Variants in PITPNC1 observed in about 807,000 individuals in gnomAD.
PITPNC1 encodes cytoplasmic phosphatidylinositol transfer protein 1.
A neutral mutation model predicts 44.7 loss-of-function variants in PITPNC1; 18 were observed. The ratio of observed to expected loss-of-function variants is 0.40; its 90% confidence interval spans 0.28 to 0.60. PITPNC1 has a LOEUF of 0.60. Among genes scored for constraint, PITPNC1 ranks in the 20% least tolerant of loss-of-function variants. The pLI is 0.39. For synonymous variants in PITPNC1, 141 were observed against 149.6 expected (o/e 0.94, Z 0.42); for missense variants, 290 against 418.4 (o/e 0.69, Z 2.68).
Position 67,550,690 on chromosome 17 carries a change from T to C in PITPNC1, c.198-1567T>C, listed in dbSNP as rs1391096557. 2.0e-5 allele frequency among the ~76,000 whole-genome samples: 3 copies of C among 152,116 alleles called. No individual in the cohort carries two copies. In the East Asian group the frequency reaches 5.8e-4, roughly 29 times the overall value. The stretch of plus-strand genomic sequence containing the variant: ...GGCATGAGTGGCCCAGACACTTAGC[T>C]ATAGGCCCCAGAGTAGAAAAGTAGC... On this transcript the variant is annotated intron_variant, in intron 2 of 8. Transcript: ENST00000581322.
intron 1 of PITPNC1, among the ~76,000 whole-genome samples, chr17:67,492,206 C>T (rs1028710008): frequency 6.6e-6 from 1 of 152,064 alleles, no homozygotes; most frequent in Non-Finnish European, 1.5e-5. Context: ...TAAATATCCC[C>T]CAGAGCCTGT....
intron 1 of PITPNC1, among the ~76,000 whole-genome samples, chr17:67,449,088 A>G (rs927382341): frequency 1.3e-5 from 2 of 152,192 alleles, no homozygotes; most frequent in African/African-American, 4.8e-5. Flanking sequence ...TCTTCTAAGT[A>G]TTTATTGTTC....
chr17:67,377,838 A>G lies in PITPNC1; in HGVS notation c.-317A>G. 1 of 322,582 alleles carries G rather than the reference A, an allele frequency of 3.1e-6. No homozygotes were observed. 20.0% of individuals were successfully genotyped at this position (322,582 alleles called of 1,614,324 possible). A position where few individuals can be genotyped will look rare whatever the true frequency, so the allele number is the denominator to read the frequency against. On this transcript the variant is annotated 5_prime_UTR_variant, in exon 1 of 9. Transcript: ENST00000581322. The stretch of plus-strand genomic sequence containing the variant: ...ATGTCCTGATCTGGCGGCCGCTCCT[A>G]CCACCCTGGGCAGCCGAGCAGAGTC...
intron 1 of PITPNC1, among the ~76,000 whole-genome samples, chr17:67,399,659 A>C (rs528158829): frequency 6.6e-6 from 1 of 152,366 alleles, no homozygotes; most frequent in East Asian, 1.9e-4. Flanking sequence ...ACATTTATTT[A>C]AGAATGTATT....
At chr17:67,406,760 T>G (rs546745937) in intron 1 of PITPNC1, among the ~76,000 whole-genome samples, 1 of 152,126 alleles carries the variant, frequency 6.6e-6, no homozygotes, top group South Asian at 2.1e-4. Flanking sequence ...CTAATTTTTG[T>G]ATTTTTAGTA....
At chr17:67,594,492 T>C (rs1011635114) in intron 5 of PITPNC1, among the ~76,000 whole-genome samples, 5 of 152,032 alleles carry the variant, frequency 3.3e-5, no homozygotes, top group Non-Finnish European at 5.9e-5. Flanking sequence ...CCAGGGACTT[T>C]TGAGTTCACT....
At chr17:67,387,347 C>T (rs1017698921) in intron 1 of PITPNC1, among the ~76,000 whole-genome samples, 1 of 152,190 alleles carries the variant, frequency 6.6e-6, no homozygotes, top group African/African-American at 2.4e-5. Context: ...TTCCTGAACA[C>T]TCCATCTACA....
At chr17:67,395,157 G>A (rs2038198162) in intron 1 of PITPNC1, among the ~76,000 whole-genome samples, 1 of 151,634 alleles carries the variant, frequency 6.6e-6, no homozygotes, top group Non-Finnish European at 1.5e-5. Flanking sequence ...CTGCTTATCT[G>A]GACAGGTTTT....
In PITPNC1 at chr17:67,692,626, A is replaced by C. The variant is rs2042950510; in HGVS notation, c.737A>C (p.Asn246Thr). The C allele has an allele frequency of 6.2e-7, 1 of 1,613,788 alleles. No homozygotes were observed. Among genetic ancestry groups the C allele is most frequent in the African/African-American group, 1.3e-5 (1 of 74,908 alleles). Residue 246 changes from asparagine (N) to threonine (T), a missense_variant, in exon 9 of 9, where the codon AAC (asparagine) becomes ACC (threonine). Asn to Thr is a moderately conservative substitution (Grantham distance 65). Transcript: ENST00000581322. ...GAACGAGCCACTCAGGAAGCCACCA[A>C]CAAGAAAATCGGCATTTTCCCACCT... The part of the protein sequence containing the change: ...EFERATQEAT[N>T]KKIGIFPPAI...
At position 67,696,636 on chromosome 17, in the gene PITPNC1, T is replaced by A. The variant is rs1024013353; in HGVS notation, c.*3748T>A. On this transcript the variant is annotated 3_prime_UTR_variant, in exon 9 of 9. Coordinates refer to ENST00000581322, the MANE Select transcript of PITPNC1 (RefSeq NM_012417.4). The stretch of plus-strand genomic sequence containing the variant: ...ATGAATAAACTATTTTAACTATTCA[T>A]TCTTGCTGAAACTGAAGTGTACACA... The A allele has an allele frequency of 6.6e-6, 1 of 152,230 alleles. No individual in the cohort carries two copies. Among genetic ancestry groups the A allele is most frequent in the African/African-American group, 2.4e-5 (1 of 41,460 alleles). The allele number at this position is 152,230 out of a possible 1,614,324, so 9.4% of individuals were successfully genotyped here.
At chr17:67,419,526 A>C (rs942182291) in intron 1 of PITPNC1, among the ~76,000 whole-genome samples, 3 of 152,128 alleles carry the variant, frequency 2.0e-5, no homozygotes, top group African/African-American at 7.2e-5. Context: ...TCTAGTTTTG[A>C]CCTTAAGTAG....
At chr17:67,396,465 G>C (rs565962767) in intron 1 of PITPNC1, among the ~76,000 whole-genome samples, 1 of 151,502 alleles carries the variant, frequency 6.6e-6, no homozygotes, top group South Asian at 2.1e-4. Flanking sequence ...TCTGCCCTCA[G>C]GTTCAAGCAA....
chr17:67,670,887 G>C (rs118118589), intron 7 of PITPNC1, among the ~76,000 whole-genome samples: 2,892 of 151,942 alleles, frequency 0.019, 32 homozygotes, highest in Non-Finnish European at 0.028. Context: ...TGTTGTTGCT[G>C]CTGCTGTTGT....
At chr17:67,378,859 G>C (rs1402640683) in intron 1 of PITPNC1, 3 of 419,290 alleles carry the variant, frequency 7.2e-6, no homozygotes, top group African/African-American at 4.3e-5. Flanking sequence ...AGCGGCGCGC[G>C]AGCCGGGAGC....
At chr17:67,529,287 A>G (rs920061573) in intron 1 of PITPNC1, among the ~76,000 whole-genome samples, 4 of 152,118 alleles carry the variant, frequency 2.6e-5, no homozygotes, top group Admixed American at 6.5e-5. Context: ...TTTCTGTGTC[A>G]TGCACTGACC....
Position 67,378,211 on chromosome 17 carries a change from C to T in PITPNC1, c.48+9C>T. On this transcript the variant is annotated intron_variant, in intron 1 of 8. Transcript: ENST00000581322. ...CGCTCACCGTAGACGAGGTAAGCGC[C>T]GCGCCCGGCCCGGCCTCGCCCGCTC... 2 of 1,522,200 alleles carry T rather than the reference C, an allele frequency of 1.3e-6. No individual in the cohort carries two copies. Among genetic ancestry groups the T allele is most frequent in the Non-Finnish European group, 1.8e-6 (2 of 1,137,486 alleles). The allele number at this position is 1,522,200 out of a possible 1,614,324, so 94.3% of individuals were successfully genotyped here.
At chr17:67,426,795 AT>A (rs941816634) in intron 1 of PITPNC1, among the ~76,000 whole-genome samples, 5 of 151,952 alleles carry the variant, frequency 3.3e-5, no homozygotes, top group Non-Finnish European at 7.4e-5. Context: ...TATCATCATG[AT>A]TTTTTTAAAA....
intron 1 of PITPNC1, among the ~76,000 whole-genome samples, chr17:67,481,779 A>T (rs1294377693): frequency 6.7e-6 from 1 of 148,928 alleles, no homozygotes; most frequent in African/African-American, 2.4e-5. Flanking sequence ...TGAAGATTTA[A>T]AAAAAAAAAA....
In PITPNC1 at chr17:67,657,160, TTTTTGTTTTGTTTTG is replaced by T. The variant is rs3028849; in HGVS notation, c.463-12328_463-12314del. Among the ~76,000 whole-genome samples, 939 of 150,832 alleles carry T rather than the reference TTTTTGTTTTGTTTTG, an allele frequency of 6.2e-3. 6 individuals carry two copies. Among genetic ancestry groups the T allele is most frequent in the African/African-American group, 0.019 (789 of 40,800 alleles). On this transcript the variant is annotated intron_variant, in intron 6 of 8. Transcript: ENST00000581322. The stretch of plus-strand genomic sequence containing the variant: ...TCCCTTCCCCTCCCCACCCCCGTTT[TTTTTGTTTTGTTTTG>T]TTTTGTTTTGTTTTGTTTTTGGCTC...
Sources: gnomAD v4.1 joint callset for allele counts (sites outside exome capture counted in the v4.1 genomes callset) on GRCh38, gnomAD v4.1.1 for gene constraint, MANE v1.5 for transcripts, NCBI Gene and HGNC (gene_info 2026-07-23, HGNC 2026-07-21) for gene names.